Variants in LAMC2 observed in about 807,000 individuals in gnomAD.
LAMC2 encodes laminin subunit gamma-2.
Under a neutral mutation model 140.2 loss-of-function variants are expected in LAMC2, and 97 were observed. The observed-to-expected ratio is 0.69, with a 90% CI of 0.59 to 0.82. The LOEUF is 0.82. Among genes scored for constraint, LAMC2 ranks in the 40% least tolerant of loss-of-function variants. LAMC2 has a pLI of 0.00. For synonymous variants in LAMC2, 513 were observed against 540.2 expected, an observed-to-expected ratio of 0.95 and a Z score of 0.70; for missense variants, 1,402 against 1,476.1, an observed-to-expected ratio of 0.95 and a Z score of 0.82.
At chr1:183,247,904 T>C (rs1195147192), downstream of LAMC2, among the ~76,000 whole-genome samples, 1 of 152,242 alleles carries the variant, frequency 6.6e-6, no homozygotes, top group Non-Finnish European at 1.5e-5. Context: ...TTTTCACAAA[T>C]ATAATTTTAT....
At position 183,200,832 on chromosome 1, in the gene LAMC2, G is replaced by A. The variant is rs190453214; in HGVS notation, c.80-7049G>A. 8.7e-3 allele frequency among the ~76,000 whole-genome samples: 1,324 copies of A among 152,160 alleles called. 32 individuals carry two copies. Among genetic ancestry groups the A allele is most frequent in the African/African-American group, 0.03 (1,255 of 41,496 alleles). On this transcript the variant is annotated intron_variant, in intron 1 of 22. Transcript: ENST00000264144. ...TCCAGCCTGTGTCTGGCTGCCTGGC[G>A]GTCTTTCCTAAGAAGCACCTTGAGG...
At chr1:183,219,575 G>A (rs1324592020) in intron 4 of LAMC2, among the ~76,000 whole-genome samples, 1 of 151,966 alleles carries the variant, frequency 6.6e-6, no homozygotes, top group Non-Finnish European at 1.5e-5. Flanking sequence ...CAATCATTTA[G>A]TTTTGCCTAA....
intron 1 of LAMC2, 124 bp from the exon 2 acceptor site, chr1:183,207,757 G>C: frequency 1.2e-6 from 1 of 851,944 alleles, no homozygotes; most frequent in Admixed American, 2.1e-5. Flanking sequence ...CCCGCAAGGA[G>C]TGTAGGTTAC....
chr1:183,252,831 A>G, the LAMC2 span: 1 of 926,714 alleles, frequency 1.1e-6, no homozygotes, highest in Non-Finnish European at 1.8e-6. Context: ...CCAGCACCCC[A>G]TTTGTAGCCT....
intron 2 of LAMC2, among the ~76,000 whole-genome samples, chr1:183,210,278 C>T (rs1412196116): frequency 6.6e-6 from 1 of 152,254 alleles, no homozygotes; most frequent in South Asian, 2.1e-4. Flanking sequence ...CTGGACACAA[C>T]CACCATCATC....
the LAMC2 span, among the ~76,000 whole-genome samples, chr1:183,256,802 T>C: frequency 2.6e-5 from 4 of 152,202 alleles, no homozygotes; most frequent in African/African-American, 7.2e-5. Context: ...CAGGCTGGAG[T>C]GCAGCAGCGC....
chr1:183,241,245 CAA>C (rs11318188), intron 22 of LAMC2: 18,332 of 768,050 alleles, frequency 0.024, no homozygotes, highest in Non-Finnish European at 0.025. Context: ...AAGACTGTCT[CAA>C]AAAAAAAAAA....
rs773623485 is a variant in LAMC2, at chr1:183,223,340, A to G, written c.953+16A>G. On this transcript the variant is annotated intron_variant, in intron 7 of 22. Transcript: ENST00000264144. ...ACACATTCAGGTAAAAAGAGAGACC[A>G]TAAGTAGGTCAATTAGAGCAAACTA... 1.9e-6 allele frequency: 3 copies of G among 1,612,058 alleles called. No homozygotes were observed. Among genetic ancestry groups the G allele is most frequent in the East Asian group, 2.2e-5 (1 of 44,860 alleles).
In LAMC2 at chr1:183,226,888, A is replaced by T. The variant is rs149510389; in HGVS notation, c.1257A>T (p.Gln419His). ...PFGTCIPCNCQGGGACDPDTG... is the reference protein window; with the variant it reads ...PFGTCIPCNCHGGGACDPDTG... Reference sequence around the variant, plus strand: ...GCACCTGTATTCCTTGTAACTGTCAAGGGGGAGGGGCCTGTGATCCAGACA... The same window carrying T: ...GCACCTGTATTCCTTGTAACTGTCATGGGGGAGGGGCCTGTGATCCAGACA... Residue 419 changes from glutamine to histidine, a missense_variant, in exon 9 of 23, where the codon CAA (glutamine) becomes CAT (histidine). Coordinates refer to ENST00000264144, the MANE Select transcript of LAMC2 (RefSeq NM_005562.3). 9.3e-6 allele frequency: 15 copies of T among 1,614,094 alleles called. No homozygotes were observed. In the African/African-American group the frequency reaches 1.9e-4, roughly 20 times the overall value.
At chr1:183,210,414 G>A (rs1659035115) in intron 2 of LAMC2, among the ~76,000 whole-genome samples, 1 of 152,176 alleles carries the variant, frequency 6.6e-6, no homozygotes, top group Non-Finnish European at 1.5e-5. Context: ...CAAGCACATG[G>A]CGGGCAACTC....
At chr1:183,247,571 C>A (rs938336405), downstream of LAMC2, among the ~76,000 whole-genome samples, 2 of 151,640 alleles carry the variant, frequency 1.3e-5, no homozygotes, top group South Asian at 2.1e-4. Flanking sequence ...ACGAAGAACC[C>A]CAAGAACCAA....
chr1:183,242,801 C>T (rs905079662), intron 22 of LAMC2, among the ~76,000 whole-genome samples: 8 of 151,418 alleles, frequency 5.3e-5, no homozygotes, highest in Non-Finnish European at 1.2e-4. Context: ...TAGGCAAATG[C>T]CTTGGATAGT....
Position 183,240,320 on chromosome 1 carries a change from C to A in LAMC2, c.3257C>A (p.Thr1086Asn). ...ATTACAGAAGCCCAGAAGGTTGATA[C>A]CAGAGCCAAGAACGCTGGGGTTACA... Reference protein sequence around the residue: ...MVITEAQKVDTRAKNAGVTIQ... With the variant: ...MVITEAQKVDNRAKNAGVTIQ... The change falls in exon 22 of 23, where the codon ACC becomes AAC. Residue 1086 changes from threonine to asparagine, a missense_variant. Physicochemically the swap from Thr to Asn is moderately conservative, Grantham distance 65 (BLOSUM62 0). Transcript: ENST00000264144. 1 of 1,614,158 alleles carries A rather than the reference C, an allele frequency of 6.2e-7. No individual in the cohort carries two copies. Among genetic ancestry groups the A allele is most frequent in the Non-Finnish European group, 8.5e-7 (1 of 1,180,018 alleles).
chr1:183,198,361 T>A (rs992831986), intron 1 of LAMC2, among the ~76,000 whole-genome samples: 1 of 152,084 alleles, frequency 6.6e-6, no homozygotes, highest in African/African-American at 2.4e-5. Flanking sequence ...GCCATGATGG[T>A]CTTGACCTCC....
chr1:183,233,904 G>A (rs77682987), intron 14 of LAMC2, among the ~76,000 whole-genome samples: 16 of 125,664 alleles, frequency 1.3e-4, no homozygotes, highest in Admixed American at 9.9e-4. Context: ...TTTTTTTTTC[G>A]AGATGGAGTT....
chr1:183,194,872 A>G (rs1246535042), intron 1 of LAMC2, among the ~76,000 whole-genome samples: 1 of 152,248 alleles, frequency 6.6e-6, no homozygotes, highest in Non-Finnish European at 1.5e-5. Flanking sequence ...ACAGAAATGT[A>G]TAACCCTTTA....
the LAMC2 span, among the ~76,000 whole-genome samples, chr1:183,253,618 G>A: frequency 6.6e-6 from 1 of 151,558 alleles, no homozygotes; most frequent in Non-Finnish European, 1.5e-5. Context: ...TGGTAATCAT[G>A]TTTTATTCTC....
intron 16 of LAMC2, among the ~76,000 whole-genome samples, chr1:183,236,228 A>T (rs1659956629): frequency 6.7e-6 from 1 of 149,512 alleles, no homozygotes; most frequent in Non-Finnish European, 1.5e-5. Context: ...TGCTTTTGTT[A>T]AAAAAAAAGG....
At chr1:183,236,718 C>G (rs1261557262) in intron 17 of LAMC2, 114 bp downstream of exon 17, 8 of 1,278,984 alleles carry the variant, frequency 6.3e-6, no homozygotes, top group South Asian at 4.8e-5. Context: ...TTGACCATTT[C>G]TGTTTTAGAG....
Sources: gnomAD v4.1 joint callset for allele counts (sites outside exome capture counted in the v4.1 genomes callset) on GRCh38, gnomAD v4.1.1 for gene constraint, MANE v1.5 for transcripts, NCBI Gene and HGNC (gene_info 2026-07-23, HGNC 2026-07-21) for gene names.